Variants in ATG10 observed in about 807,000 individuals in gnomAD.
ATG10 encodes the protein ubiquitin-like-conjugating enzyme ATG10.
Under a neutral mutation model 32.1 loss-of-function variants are expected in ATG10, and 30 were observed. The observed-to-expected ratio is 0.94, with a 90% confidence interval of 0.70 to 1.27. The LOEUF (loss-of-function observed/expected upper bound fraction) is 1.27, where lower values mean the gene tolerates loss of function less well. Among genes scored for constraint, ATG10 ranks in the 50% most tolerant of loss-of-function variants. The probability of loss-of-function intolerance (pLI) is 0.00; values close to 1 mark genes in which losing one functional copy is unlikely to be tolerated. For missense variants in ATG10, 233 were observed against 262.3 expected (o/e 0.89, Z 0.77); for synonymous variants, 87 against 91.5 (o/e 0.95, Z 0.28).
At chr5:82,188,898 ACTTCT>A (rs1406628978) in intron 5 of ATG10, among the ~76,000 whole-genome samples, 1 of 151,996 alleles carries the variant, frequency 6.6e-6, no homozygotes, top group Non-Finnish European at 1.5e-5. Context: ...ACTCCCTTCA[ACTTCT>A]CTTCTCACTT....
chr5:82,230,114 G>A (rs1746297365), intron 5 of ATG10, among the ~76,000 whole-genome samples: 1 of 152,154 alleles, frequency 6.6e-6, no homozygotes, highest in South Asian at 2.1e-4. Flanking sequence ...CCTGAAGGTT[G>A]CAGCCTACAG....
chr5:82,146,066 G>A (rs1390971168), intron 3 of ATG10, among the ~76,000 whole-genome samples: 3 of 152,046 alleles, frequency 2.0e-5, no homozygotes, highest in Non-Finnish European at 4.4e-5. Context: ...CCTAAATTCA[G>A]ACCTGAATTT....
At chr5:82,041,865 C>T (rs1349974373) in intron 2 of ATG10, among the ~76,000 whole-genome samples, 1 of 151,888 alleles carries the variant, frequency 6.6e-6, no homozygotes, top group Non-Finnish European at 1.5e-5. Flanking sequence ...AGTTTACCTT[C>T]TGCAGTCCCT....
intron 2 of ATG10, among the ~76,000 whole-genome samples, chr5:82,001,800 A>G (rs1331921512): frequency 6.6e-6 from 1 of 152,254 alleles, no homozygotes; most frequent in Non-Finnish European, 1.5e-5. Flanking sequence ...GAACTAATTA[A>G]ACAAGAGTTT....
chr5:82,226,365 ACTT>A (rs1175120425), intron 5 of ATG10, among the ~76,000 whole-genome samples: 4 of 151,256 alleles, frequency 2.6e-5, no homozygotes, highest in Admixed American at 6.6e-5. Flanking sequence ...GGTTCTTTTT[ACTT>A]CTTTTTTTTT....
chr5:82,114,620 A>G (rs886895639), intron 3 of ATG10, among the ~76,000 whole-genome samples: 2 of 152,056 alleles, frequency 1.3e-5, no homozygotes, highest in Admixed American at 6.6e-5. Context: ...GCCCACCTGT[A>G]GGTTCTGGGC....
At chr5:82,111,863 A>G (rs186717860) in intron 3 of ATG10, among the ~76,000 whole-genome samples, 157 of 152,100 alleles carry the variant, frequency 1.0e-3, no homozygotes, top group Admixed American at 8.5e-3. Context: ...AATAGGTAAA[A>G]TATTTACAGC....
intron 2 of ATG10, chr5:82,009,954 C>T (rs1762083778): frequency 3.7e-6 from 6 of 1,611,742 alleles, no homozygotes; most frequent in Non-Finnish European, 4.2e-6. Flanking sequence ...ACCCTTATAA[C>T]CAAATCCTTT....
chr5:82,067,164 G>A (rs1381405284), intron 3 of ATG10, among the ~76,000 whole-genome samples: 1 of 152,044 alleles, frequency 6.6e-6, no homozygotes, highest in Non-Finnish European at 1.5e-5. Flanking sequence ...TATTATTAAA[G>A]GGTTCAAAGA....
chr5:82,058,885 T>A (rs1355163578), intron 3 of ATG10, among the ~76,000 whole-genome samples: 2 of 152,250 alleles, frequency 1.3e-5, no homozygotes, highest in South Asian at 4.2e-4. Context: ...GTGGTAAAGT[T>A]ATATAAGATC....
intron 2 of ATG10, among the ~76,000 whole-genome samples, chr5:82,032,657 C>G (rs1364164965): frequency 6.6e-6 from 1 of 151,804 alleles, no homozygotes; most frequent in African/African-American, 2.4e-5. Flanking sequence ...TGCTAACTCC[C>G]AATCTCAAAC....
chr5:82,009,796 T>C (rs1289215744), intron 2 of ATG10: 17 of 1,607,300 alleles, frequency 1.1e-5, no homozygotes, highest in Non-Finnish European at 1.4e-5. Flanking sequence ...GCATTTGCCA[T>C]GGACAAGATG....
rs1747394620 is a variant in ATG10, at chr5:82,254,644, T to G, written c.*581T>G. 1 of 151,846 alleles carries G rather than the reference T, an allele frequency of 6.6e-6. No individual in the cohort carries two copies. Among genetic ancestry groups the G allele is most frequent in the Non-Finnish European group, 1.5e-5 (1 of 67,958 alleles). The allele number at this position is 151,846 out of a possible 1,614,324, so 9.4% of individuals were successfully genotyped here. A position where few individuals can be genotyped will look rare whatever the true frequency, so the allele number is the denominator to read the frequency against. ...TTATTAATACTAGGAATACCAACAT[T>G]ATTAGGGCACTTGCAGGTTATTCTT... On this transcript the variant is annotated 3_prime_UTR_variant, in exon 8 of 8. Coordinates refer to ENST00000282185, the MANE Select transcript of ATG10 (RefSeq NM_031482.5).
chr5:82,162,666 TA>T (rs112160483), intron 3 of ATG10, among the ~76,000 whole-genome samples: 63 of 150,922 alleles, frequency 4.2e-4, no homozygotes, highest in African/African-American at 1.4e-3. Flanking sequence ...ATGGAAATGT[TA>T]AAAAAAAACA....
intron 4 of ATG10, among the ~76,000 whole-genome samples, chr5:82,169,818 C>T (rs989945695): frequency 1.3e-5 from 2 of 152,044 alleles, no homozygotes; most frequent in African/African-American, 4.8e-5. Flanking sequence ...AGTTATCTAA[C>T]TAATACAAAT....
At chr5:82,048,997 T>G (rs1033757441) in intron 2 of ATG10, among the ~76,000 whole-genome samples, 5 of 150,568 alleles carry the variant, frequency 3.3e-5, no homozygotes, top group African/African-American at 9.7e-5. Flanking sequence ...TGGCGATTCC[T>G]CAGGGATCTA....
chr5:82,050,015 C>T (rs1763358007), intron 2 of ATG10, among the ~76,000 whole-genome samples: 2 of 151,912 alleles, frequency 1.3e-5, no homozygotes, highest in African/African-American at 2.4e-5. Context: ...AAATCTTTCC[C>T]TCCTTCTCCT....
chr5:82,253,481 C>T (rs1046121242), intron 7 of ATG10, 52 bp downstream of exon 7: 18 of 1,233,650 alleles, frequency 1.5e-5, no homozygotes, highest in Non-Finnish European at 3.6e-6. Context: ...ATCAATGTCT[C>T]CATTGCATTT....
At chr5:82,127,149 G>T (rs960208804) in intron 3 of ATG10, among the ~76,000 whole-genome samples, 6 of 152,034 alleles carry the variant, frequency 3.9e-5, no homozygotes, top group African/African-American at 1.4e-4. Flanking sequence ...ATTTTTTATT[G>T]CATGTATTTG....
Sources: allele counts gnomAD v4.1 joint callset (sites outside exome capture counted in the v4.1 genomes callset), GRCh38; gene constraint gnomAD v4.1.1; transcripts MANE v1.5; gene names NCBI Gene and HGNC (gene_info 2026-07-23, HGNC 2026-07-21).